Variants in ATP8A2 observed in about 807,000 individuals in gnomAD.
ATP8A2 encodes ATPase phospholipid transporting 8A2.
A neutral mutation model predicts 165.6 loss-of-function variants in ATP8A2; 100 were observed. The observed-to-expected ratio is 0.60, with a 90% confidence interval of 0.51 to 0.71. The LOEUF (loss-of-function observed/expected upper bound fraction) is 0.71. Ranked by LOEUF, ATP8A2 falls within the 30% of genes least tolerant of loss-of-function variation. The pLI is 0.00. For synonymous variants in ATP8A2, 543 were observed against 548.8 expected (o/e 0.99, Z 0.15); for missense variants, 1,227 against 1,479.5 (o/e 0.83, Z 2.80).
At chr13:25,558,248 G>T (rs1024375056) in intron 13 of ATP8A2, among the ~76,000 whole-genome samples, 2 of 152,038 alleles carry the variant, frequency 1.3e-5, no homozygotes, top group Non-Finnish European at 2.9e-5. Context: ...AATGCAGAAA[G>T]AATCCTGCTT....
chr13:25,466,342 C>T (rs1331625531), intron 1 of ATP8A2, among the ~76,000 whole-genome samples: 1 of 152,142 alleles, frequency 6.6e-6, no homozygotes, highest in African/African-American at 2.4e-5. Flanking sequence ...ATGCCCTTCC[C>T]TTTCCTACAA....
At position 25,778,788 on chromosome 13, in the gene ATP8A2, C is replaced by G. The variant is rs2044801162; in HGVS notation, c.2679+3829C>G. Reference sequence around the variant, plus strand: ...GATCTGGGTTCCAACTGTCACCAGCCTCCTCTGCCACTGTATCCTCCTTAC... The same window carrying G: ...GATCTGGGTTCCAACTGTCACCAGCGTCCTCTGCCACTGTATCCTCCTTAC... On this transcript the variant is annotated intron_variant, in intron 27 of 36. Transcript: ENST00000381655. 2.0e-5 allele frequency among the ~76,000 whole-genome samples: 3 copies of G among 152,186 alleles called. 1 individual carries two copies. Among genetic ancestry groups the G allele is most frequent in the South Asian group, 4.1e-4 (2 of 4,822 alleles).
intron 33 of ATP8A2, among the ~76,000 whole-genome samples, chr13:25,868,603 CTG>C (rs1952586774): frequency 6.6e-6 from 1 of 152,172 alleles, no homozygotes; most frequent in Non-Finnish European, 1.5e-5. Context: ...AAGTAACACA[CTG>C]TGTTTCTGGA....
intron 24 of ATP8A2, among the ~76,000 whole-genome samples, chr13:25,693,546 A>G (rs1000318887): frequency 6.6e-6 from 1 of 152,134 alleles, no homozygotes; most frequent in African/African-American, 2.4e-5. Context: ...GGAGAAGAGA[A>G]TGGAAGAGTA....
chr13:25,498,616 A>G (rs191826091), intron 2 of ATP8A2, among the ~76,000 whole-genome samples: 40 of 152,312 alleles, frequency 2.6e-4, no homozygotes, highest in Admixed American at 7.2e-4. Flanking sequence ...AGAGGATGAT[A>G]TTAGATAGCA....
chr13:25,372,242 T>C lies in ATP8A2; in HGVS notation c.30T>C (p.Ala10=), dbSNP rs565351957. 47 of 1,478,984 alleles carry C rather than the reference T, an allele frequency of 3.2e-5. No homozygotes were observed. In the South Asian group the frequency reaches 5.9e-4, roughly 19 times the overall value. 91.6% of individuals were successfully genotyped at this position (1,478,984 alleles called of 1,614,324 possible). Residue 10 remains alanine, a synonymous_variant, in exon 1 of 37, where the codon GCT becomes GCC. Transcript: ENST00000381655. This position sits in a 1 kb window ranked among gnomAD's most constrained non-coding sequence, Gnocchi z 4.8. Reference sequence around the variant, plus strand: ...TGAACGGCGCAGGCCTGGACAAAGCTCTTAAGATGTCCCTGCCGCGGAGGT... The same window carrying C: ...TGAACGGCGCAGGCCTGGACAAAGCCCTTAAGATGTCCCTGCCGCGGAGGT... MLNGAGLDK[A]LKMSLPRRSR... is the part of the protein sequence containing the mutation.
chr13:25,894,674 A>T (rs1388432156), intron 33 of ATP8A2, among the ~76,000 whole-genome samples: 2 of 152,176 alleles, frequency 1.3e-5, no homozygotes, highest in Non-Finnish European at 2.9e-5. Context: ...TGAGCATGGA[A>T]TGTTCTCCAT....
At chr13:26,013,397 G>A (rs186885603) in intron 36 of ATP8A2, among the ~76,000 whole-genome samples, 2 of 152,328 alleles carry the variant, frequency 1.3e-5, no homozygotes, top group African/African-American at 2.4e-5. Context: ...GAGTTGGGCC[G>A]GACGCGGTGG....
At chr13:25,616,991 T>C (rs1418665549) in intron 24 of ATP8A2, among the ~76,000 whole-genome samples, 1 of 152,166 alleles carries the variant, frequency 6.6e-6, no homozygotes, top group African/African-American at 2.4e-5. Flanking sequence ...AAATATGTAA[T>C]TGGAAATGAT....
intron 24 of ATP8A2, among the ~76,000 whole-genome samples, chr13:25,646,310 A>G (rs979720033): frequency 1.3e-5 from 2 of 152,142 alleles, no homozygotes; most frequent in Non-Finnish European, 2.9e-5. Flanking sequence ...TGCACCCTTG[A>G]AAATGAGATG....
chr13:25,892,817 T>G (rs1396880445), intron 33 of ATP8A2, among the ~76,000 whole-genome samples: 1 of 151,810 alleles, frequency 6.6e-6, no homozygotes, highest in East Asian at 1.9e-4. Flanking sequence ...TTTTTTTTTT[T>G]TCGCATCAAA....
chr13:25,820,615 A>C (rs1197763401), intron 27 of ATP8A2, among the ~76,000 whole-genome samples: 2 of 152,182 alleles, frequency 1.3e-5, no homozygotes, highest in Non-Finnish European at 2.9e-5. Flanking sequence ...GGCCCACCAA[A>C]AATGACATTT....
At chr13:25,813,258 G>A (rs540575363) in intron 27 of ATP8A2, among the ~76,000 whole-genome samples, 2 of 152,222 alleles carry the variant, frequency 1.3e-5, no homozygotes, top group African/African-American at 4.8e-5. Flanking sequence ...ATACAGCTAA[G>A]AGTAGGAGAG....
chr13:25,904,816 A>G (rs1458315153), intron 33 of ATP8A2, among the ~76,000 whole-genome samples: 1 of 152,242 alleles, frequency 6.6e-6, no homozygotes, highest in Non-Finnish European at 1.5e-5. Flanking sequence ...AAGGATAAGA[A>G]CATTTCATTG....
At chr13:25,793,644 C>G (rs1239637131) in intron 27 of ATP8A2, among the ~76,000 whole-genome samples, 1 of 120,624 alleles carries the variant, frequency 8.3e-6, no homozygotes, top group African/African-American at 3.2e-5. Context: ...ATCAGGCTTT[C>G]TCAGGGGAGA....
intron 25 of ATP8A2, among the ~76,000 whole-genome samples, chr13:25,717,040 A>G (rs1444206739): frequency 6.6e-6 from 1 of 152,188 alleles, no homozygotes; most frequent in Non-Finnish European, 1.5e-5. Context: ...AAGAAAGGTG[A>G]CTTTAATCAT....
intron 35 of ATP8A2, among the ~76,000 whole-genome samples, chr13:25,998,352 T>C (rs931460340): frequency 6.6e-6 from 1 of 152,134 alleles, no homozygotes; most frequent in African/African-American, 2.4e-5. Context: ...CATAAGGGTG[T>C]TGGAGAGCCT....
At chr13:25,693,108 T>C (rs746710331) in intron 24 of ATP8A2, among the ~76,000 whole-genome samples, 3 of 152,196 alleles carry the variant, frequency 2.0e-5, no homozygotes, top group Non-Finnish European at 4.4e-5. Flanking sequence ...GAGACTGTAG[T>C]ATAAATTTTA....
At chr13:25,990,668 A>G (rs954311995) in intron 35 of ATP8A2, among the ~76,000 whole-genome samples, 2 of 152,236 alleles carry the variant, frequency 1.3e-5, no homozygotes, top group African/African-American at 2.4e-5. Flanking sequence ...GGTAAGCAGC[A>G]TGGTCCTGTT....
Sources: allele counts gnomAD v4.1 joint callset (sites outside exome capture counted in the v4.1 genomes callset), GRCh38; gene constraint gnomAD v4.1.1; non-coding constraint Gnocchi (gnomAD v3.1); transcripts MANE v1.5; gene names NCBI Gene and HGNC (gene_info 2026-07-23, HGNC 2026-07-21).